Variants in APOBEC3F observed in about 807,000 individuals in gnomAD.
The protein encoded by APOBEC3F is DNA dC->dU-editing enzyme APOBEC-3F.
A neutral mutation model predicts 45.8 loss-of-function variants in APOBEC3F; 34 were observed. The observed-to-expected ratio is 0.74, with a 90% CI of 0.57 to 0.99. The LOEUF (loss-of-function observed/expected upper bound fraction) is 0.99. Ranked by LOEUF, APOBEC3F falls within the 50% of genes least tolerant of loss-of-function variation. The probability of loss-of-function intolerance (pLI) is 0.00; values close to 1 mark genes in which losing one functional copy is unlikely to be tolerated. For missense variants in APOBEC3F, 459 were observed against 474.1 expected (o/e 0.97, Z 0.30); for synonymous variants, 192 against 174.4 (o/e 1.10, Z -0.80).
In APOBEC3F at chr22:39,055,882, A is replaced by C. The variant is rs1258957018; in HGVS notation, c.*3187A>C. ...GGACCCCTTAGAATTGTAAGCCCTT[A>C]AAAGGGCCAGGGACTTCTTCAGGGA... On this transcript the variant is annotated 3_prime_UTR_variant, in exon 7 of 7. Transcript: ENST00000308521. Among the ~76,000 whole-genome samples, 1 of 152,120 alleles carries C rather than the reference A, an allele frequency of 6.6e-6. No individual in the cohort carries two copies. Among genetic ancestry groups the C allele is most frequent in the African/African-American group, 2.4e-5 (1 of 41,412 alleles).
At chr22:39,045,585 T>G (rs751284132) in intron 4 of APOBEC3F, 43 bp downstream of exon 4, 2 of 1,612,466 alleles carry the variant, frequency 1.2e-6, no homozygotes, top group South Asian at 2.2e-5. Context: ...TCCTCTCGCC[T>G]CCTGCTCATC....
chr22:39,042,041 C>A (rs1238768042), intron 1 of APOBEC3F, among the ~76,000 whole-genome samples: 2 of 152,212 alleles, frequency 1.3e-5, no homozygotes, highest in African/African-American at 4.8e-5. Flanking sequence ...GGCCCCAGCC[C>A]CATCCGTCCC....
rs1555902859 is a variant in APOBEC3F at position 39,052,988 on chromosome 22, A to ATT, written c.*308_*309dup. The ATT allele has an allele frequency of 8.1e-3, 1,745 of 215,330 alleles. 31 individuals carry two copies. Among genetic ancestry groups the ATT allele is most frequent in the African/African-American group, 0.038 (1,501 of 39,006 alleles). 13.3% of individuals were successfully genotyped at this position (215,330 alleles called of 1,614,324 possible). A position where few individuals can be genotyped will look rare whatever the true frequency, so the allele number is the denominator to read the frequency against. ...TCCCATCTCCCCAGCATAACCTAAT[A>ATT]TTTTTTTTTTTTTTTTGAGACGGAA... On this transcript the variant is annotated 3_prime_UTR_variant, in exon 7 of 7. Transcript: ENST00000308521.
chr22:39,049,699 CTTTTT>C (rs35594508), intron 5 of APOBEC3F, 118 bp downstream of exon 5: 1,238 of 824,030 alleles, frequency 1.5e-3, no homozygotes, highest in East Asian at 2.7e-3. Context: ...TCTTACATTT[CTTTTT>C]TTTTTTTTTT....
rs1232303273 is a variant in APOBEC3F at position 39,052,885 on chromosome 22, C to T, written c.*190C>T. 7.8e-7 allele frequency: 1 copy of T among 1,288,602 alleles called. No individual in the cohort carries two copies. The highest frequency in any genetic ancestry group is 1.0e-6 in the Non-Finnish European group (1 of 993,200). The allele number at this position is 1,288,602 out of a possible 1,614,324, so 79.8% of individuals were successfully genotyped here. A position where few individuals can be genotyped will look rare whatever the true frequency, so the allele number is the denominator to read the frequency against. On this transcript the variant is annotated 3_prime_UTR_variant, in exon 7 of 7. Transcript: ENST00000308521. ...CTCTCCCAGGCTCTTCCTGCAGAGG[C>T]CTCTTTCTGCCTCCATGGCTATCCA...
rs750052783 is a variant in APOBEC3F at position 39,043,108 on chromosome 22, A to G, written c.171+18A>G. 3.7e-6 allele frequency: 6 copies of G among 1,613,790 alleles called. No homozygotes were observed. Among genetic ancestry groups the G allele is most frequent in the South Asian group, 1.1e-5 (1 of 91,034 alleles). ...GAGGCCAGGTACCACCCGGACTTCA[A>G]TCACTTTGCAGGCAGGAGCTAAGCC... On this transcript the variant is annotated intron_variant, in intron 2 of 6. Transcript: ENST00000308521.
chr22:39,050,364 CCT>C (rs1349583160), intron 5 of APOBEC3F, among the ~76,000 whole-genome samples: 4 of 152,048 alleles, frequency 2.6e-5, no homozygotes, highest in African/African-American at 9.7e-5. Flanking sequence ...TCCCACCCAC[CCT>C]GTCGTGTCCC....
At chr22:39,041,857 CGT>C (rs1926915914) in intron 1 of APOBEC3F, among the ~76,000 whole-genome samples, 1 of 151,338 alleles carries the variant, frequency 6.6e-6, no homozygotes, top group African/African-American at 2.4e-5. Flanking sequence ...AGCCAAATTT[CGT>C]CTCAAAAGAA....
At position 39,040,905 on chromosome 22, in the gene APOBEC3F, A is replaced by G. The variant is rs1926845614; in HGVS notation, c.-56A>G. 1 of 1,555,000 alleles carries G rather than the reference A, an allele frequency of 6.4e-7. No homozygotes were observed. The highest frequency in any genetic ancestry group is 2.0e-5 in the Admixed American group (1 of 51,142). On this transcript the variant is annotated 5_prime_UTR_variant, in exon 1 of 7. Coordinates refer to ENST00000308521, the MANE Select transcript of APOBEC3F (RefSeq NM_145298.6). Reference sequence around the variant, plus strand: ...TCCTGAAACCTGGAGCCTGGAGCAGAAAGTGAAACCCTGGTGCTCCAGACA... The same window carrying G: ...TCCTGAAACCTGGAGCCTGGAGCAGGAAGTGAAACCCTGGTGCTCCAGACA...
rs34714612 is a variant in APOBEC3F at position 39,055,370 on chromosome 22, CTT to C, written c.*2688_*2689del. Reference sequence around the variant, plus strand: ...TACAGATATAAGCCACCATACACAACTTTTTTTTTTTTTTGAGATGGAGTTTC... The same window carrying C: ...TACAGATATAAGCCACCATACACAACTTTTTTTTTTTTGAGATGGAGTTTC... On this transcript the variant is annotated 3_prime_UTR_variant, in exon 7 of 7. Coordinates refer to ENST00000308521, the MANE Select transcript of APOBEC3F (RefSeq NM_145298.6). Among the ~76,000 whole-genome samples the C allele has an allele frequency of 1.4e-5, 2 of 142,944 alleles. No homozygotes were observed. The allele number at this position is 142,944 out of a possible 152,430, so 93.8% of individuals were successfully genotyped here.
intron 2 of APOBEC3F, among the ~76,000 whole-genome samples, chr22:39,043,361 C>T (rs530492977): frequency 6.7e-6 from 1 of 149,162 alleles, no homozygotes; most frequent in African/African-American, 2.5e-5. Flanking sequence ...AGTGCAATGA[C>T]GCGATCTCGG....
intron 4 of APOBEC3F, among the ~76,000 whole-genome samples, chr22:39,046,398 G>A (rs1006055490): frequency 1.3e-5 from 2 of 152,082 alleles, no homozygotes; most frequent in Non-Finnish European, 2.9e-5. Flanking sequence ...AGGGGTCCCT[G>A]TTCTGTGTGT....
Position 39,044,807 on chromosome 22 carries a change from G to A in APOBEC3F, c.172-134G>A, listed in dbSNP as rs1206580854. 2.1e-5 allele frequency: 17 copies of A among 825,090 alleles called. No individual in the cohort carries two copies. In the Admixed American group the frequency reaches 3.1e-4, roughly 15 times the overall value. 51.1% of individuals were successfully genotyped at this position (825,090 alleles called of 1,614,324 possible). On this transcript the variant is annotated intron_variant, in intron 2 of 6. Coordinates refer to ENST00000308521, the MANE Select transcript of APOBEC3F (RefSeq NM_145298.6). Reference sequence around the variant, plus strand: ...GCAGACAATCACTCAAACTAAACAGGGGGGATGGAGGAAAGGAGCTTCAAT... The same window carrying A: ...GCAGACAATCACTCAAACTAAACAGAGGGGATGGAGGAAAGGAGCTTCAAT...
At chr22:39,047,024 C>T (rs1208104768) in intron 4 of APOBEC3F, among the ~76,000 whole-genome samples, 6 of 152,024 alleles carry the variant, frequency 3.9e-5, no homozygotes, top group Non-Finnish European at 5.9e-5. Context: ...ACAGGGTGGC[C>T]GGGGACACCA....
chr22:39,050,460 G>A (rs1302174743), intron 5 of APOBEC3F, among the ~76,000 whole-genome samples: 1 of 147,800 alleles, frequency 6.8e-6, no homozygotes, highest in Non-Finnish European at 1.5e-5. Context: ...TGCTGGGCAG[G>A]CCTGGCCTAC....
chr22:39,051,625 C>T (rs1053657369), intron 5 of APOBEC3F, among the ~76,000 whole-genome samples: 12 of 151,682 alleles, frequency 7.9e-5, no homozygotes, highest in African/African-American at 2.9e-4. Flanking sequence ...GTAAAAAGCC[C>T]TGGGGCCTAG....
chr22:39,045,862 C>T (rs984447186), intron 4 of APOBEC3F, among the ~76,000 whole-genome samples: 10 of 151,854 alleles, frequency 6.6e-5, no homozygotes, highest in African/African-American at 9.7e-5. Context: ...TAAAACTGGA[C>T]GTAAGTGGGC....
intron 4 of APOBEC3F, among the ~76,000 whole-genome samples, chr22:39,049,177 G>A (rs1291724353): frequency 1.3e-5 from 2 of 152,160 alleles, no homozygotes; most frequent in Non-Finnish European, 2.9e-5. Context: ...GTTGGGAGAC[G>A]TGTGGCAGAA....
At chr22:39,051,098 G>A (rs545750009) in intron 5 of APOBEC3F, among the ~76,000 whole-genome samples, 3 of 152,204 alleles carry the variant, frequency 2.0e-5, no homozygotes, top group East Asian at 1.9e-4. Context: ...TTAGCCAGGC[G>A]TGGGGGTGTG....
Sources: allele counts gnomAD v4.1 joint callset (sites outside exome capture counted in the v4.1 genomes callset), GRCh38; gene constraint gnomAD v4.1.1; transcripts MANE v1.5; gene names NCBI Gene and HGNC (gene_info 2026-07-23, HGNC 2026-07-21).